BCAS3: variants seen among roughly 807,000 people sequenced by gnomAD.
The protein encoded by BCAS3 is BCAS4/BCAS3 fusion.
Under a neutral mutation model 116.1 loss-of-function variants are expected in BCAS3, and 53 were observed. The ratio of observed to expected loss-of-function variants is 0.46; its 90% CI spans 0.37 to 0.57. The LOEUF (loss-of-function observed/expected upper bound fraction) is 0.57. BCAS3 is among the 20% of genes least tolerant of loss of function. The pLI is 0.00. For synonymous variants in BCAS3, 391 were observed against 408.2 expected, an observed-to-expected ratio of 0.96 and a Z score of 0.51; for missense variants, 917 against 1,165.4, an observed-to-expected ratio of 0.79 and a Z score of 3.10.
At chr17:60,985,866 A>G (rs2063112009) in intron 14 of BCAS3, among the ~76,000 whole-genome samples, 1 of 152,194 alleles carries the variant, frequency 6.6e-6, no homozygotes, top group South Asian at 2.1e-4. Flanking sequence ...TCTCCCAAGT[A>G]GCTGGAATTA....
rs528738732 is a variant in BCAS3, at chr17:61,069,868, A to C, written c.2030-5052A>C. The C allele has an allele frequency of 1.3e-4, 124 of 991,044 alleles. 1 individual carries two copies. In the East Asian group the frequency reaches 2.8e-3, roughly 22 times the overall value. 61.4% of individuals were successfully genotyped at this position (991,044 alleles called of 1,614,324 possible). A position where few individuals can be genotyped will look rare whatever the true frequency, so the allele number is the denominator to read the frequency against. The stretch of plus-strand genomic sequence containing the variant: ...AAAAAAAAAAAAAGACCCTTTTCAC[A>C]AGATGGCGCCGAAAGCGAAGAAGGA... On this transcript the variant is annotated intron_variant, in intron 19 of 23. Transcript: ENST00000407086.
Position 61,176,565 on chromosome 17 carries a change from T to TTATG in BCAS3, c.2425+92005_2425+92008dup, listed in dbSNP as rs1223627912. Among the ~76,000 whole-genome samples the TTATG allele has an allele frequency of 8.5e-3, 1,232 of 145,244 alleles. 20 individuals carry two copies. The highest frequency in any genetic ancestry group is 0.027 in the African/African-American group (1,034 of 38,854). ...TTTATTTATTTATTTATTTATTTAT[T>TTATG]TATGTATTTAGAGAGATGGTCTTGC... On this transcript the variant is annotated intron_variant, in intron 22 of 23. Coordinates refer to ENST00000407086, the MANE Select transcript of BCAS3 (RefSeq NM_017679.5).
chr17:60,944,147 G>A (rs916555871), intron 13 of BCAS3, among the ~76,000 whole-genome samples: 8 of 151,912 alleles, frequency 5.3e-5, no homozygotes, highest in Non-Finnish European at 8.8e-5. Flanking sequence ...ACAGAAATCA[G>A]TGAAATTGAA....
chr17:60,858,376 T>C (rs2144840228), intron 7 of BCAS3, among the ~76,000 whole-genome samples: 1 of 152,200 alleles, frequency 6.6e-6, no homozygotes, highest in South Asian at 2.1e-4. Flanking sequence ...TTATTATAGT[T>C]GTGGCTGTTG....
In BCAS3 at chr17:61,352,310, C is replaced by T. The variant is rs1313367217; in HGVS notation, c.2426-16017C>T. ...TTCTAATCCAGTATGTACCTTAGGC[C>T]CAAAGATAAAAAGATAGGTTTCTTT... On this transcript the variant is annotated intron_variant, in intron 22 of 23. Transcript: ENST00000407086. This position sits in a 1 kb window ranked among gnomAD's most constrained non-coding sequence, Gnocchi z 4.7. Among the ~76,000 whole-genome samples, 8 of 152,072 alleles carry T rather than the reference C, an allele frequency of 5.3e-5. No individual in the cohort carries two copies. The highest frequency in any genetic ancestry group is 5.2e-4 in the Admixed American group (8 of 15,264).
intron 22 of BCAS3, among the ~76,000 whole-genome samples, chr17:61,185,760 T>G (rs557630155): frequency 6.6e-6 from 1 of 152,342 alleles, no homozygotes; most frequent in Admixed American, 6.5e-5. Context: ...ACAACTTTAA[T>G]GCAGAAGTCA....
At chr17:60,794,182 G>GT (rs1365975544) in intron 6 of BCAS3, among the ~76,000 whole-genome samples, 1 of 152,092 alleles carries the variant, frequency 6.6e-6, no homozygotes, top group Non-Finnish European at 1.5e-5. Flanking sequence ...TTTTTCATAT[G>GT]TTTTTTGGTC....
chr17:61,350,881 G>C (rs910696965), intron 22 of BCAS3, among the ~76,000 whole-genome samples: 2 of 152,036 alleles, frequency 1.3e-5, no homozygotes, highest in Non-Finnish European at 2.9e-5. Flanking sequence ...TGCTTCCCCT[G>C]CCTCAGCCTC....
At chr17:61,016,717 T>C (rs1037054837) in intron 16 of BCAS3, among the ~76,000 whole-genome samples, 6 of 152,224 alleles carry the variant, frequency 3.9e-5, no homozygotes, top group African/African-American at 1.4e-4. Flanking sequence ...TACATTTCTG[T>C]ATTAAAGTAG....
rs1394552401 is a variant in BCAS3, at chr17:61,228,248, C to G, written c.2426-140079C>G. 6.6e-6 allele frequency among the ~76,000 whole-genome samples: 1 copy of G among 152,150 alleles called. No individual in the cohort carries two copies. The highest frequency in any genetic ancestry group is 1.5e-5 in the Non-Finnish European group (1 of 68,030). ...TTTATTATTTTGCTTTGAGATTCTC[C>G]TAAGCCCCAGCTGAGAAATTATGAA... On this transcript the variant is annotated intron_variant, in intron 22 of 23. Transcript: ENST00000407086. This position sits in a 1 kb window ranked among gnomAD's most constrained non-coding sequence, Gnocchi z 5.0.
intron 22 of BCAS3, among the ~76,000 whole-genome samples, chr17:61,308,388 C>T (rs1037374788): frequency 1.4e-4 from 21 of 151,024 alleles, no homozygotes; most frequent in Admixed American, 9.9e-4. Context: ...TCCCCCTCAC[C>T]GCCCCCTCTA....
chr17:61,013,317 A>G lies in BCAS3; in HGVS notation c.1487-2434A>G, dbSNP rs2060995229. ...AACAAATATTTGTTTACTAGTTGTG[A>G]AATACATATGATGTACACAATTCTT... On this transcript the variant is annotated intron_variant, in intron 15 of 23. Coordinates refer to ENST00000407086, the MANE Select transcript of BCAS3 (RefSeq NM_017679.5). The surrounding 1 kb of genome is among the most constrained non-coding windows in gnomAD (Gnocchi z 4.4). Among the ~76,000 whole-genome samples, 1 of 152,256 alleles carries G rather than the reference A, an allele frequency of 6.6e-6. No individual in the cohort carries two copies. Among genetic ancestry groups the G allele is most frequent in the Admixed American group, 6.5e-5 (1 of 15,284 alleles).
At chr17:61,350,414 C>CAATG (rs1555844780) in intron 22 of BCAS3, among the ~76,000 whole-genome samples, 1 of 136,722 alleles carries the variant, frequency 7.3e-6, no homozygotes, top group Non-Finnish European at 1.6e-5. Flanking sequence ...GACTCTGTCT[C>CAATG]AATAAATAAA....
At chr17:61,002,490 A>G (rs2064314998) in intron 15 of BCAS3, 1 of 147,680 alleles carries the variant, frequency 6.8e-6, no homozygotes, top group African/African-American at 2.7e-5. Context: ...TAATCAAGGC[A>G]ACCCTGGCAT....
At position 61,089,509 on chromosome 17, in the gene BCAS3, C is replaced by CTTTT. The variant is rs71370187; in HGVS notation, c.2425+4980_2425+4983dup. 1.8e-3 allele frequency among the ~76,000 whole-genome samples: 48 copies of CTTTT among 26,750 alleles called. 22 individuals are homozygous for CTTTT. The highest frequency in any genetic ancestry group is 2.7e-3 in the East Asian group (2 of 740). The allele number at this position is 26,750 out of a possible 152,430, so 17.5% of individuals were successfully genotyped here. A position where few individuals can be genotyped will look rare whatever the true frequency, so the allele number is the denominator to read the frequency against. On this transcript the variant is annotated intron_variant, in intron 22 of 23. Coordinates refer to ENST00000407086, the MANE Select transcript of BCAS3 (RefSeq NM_017679.5). Reference sequence around the variant, plus strand: ...TTTTTCTTCGAGACGGAGTTTCACTCTTTTTTTTTTTTTTTTTTTTTTTTT... The same window carrying CTTTT: ...TTTTTCTTCGAGACGGAGTTTCACTCTTTTTTTTTTTTTTTTTTTTTTTTTTTTT...
Position 61,302,389 on chromosome 17 carries a change from A to G in BCAS3, c.2426-65938A>G, listed in dbSNP as rs761474630. Among the ~76,000 whole-genome samples the G allele has an allele frequency of 2.6e-5, 4 of 152,244 alleles. No homozygotes were observed. The highest frequency in any genetic ancestry group is 5.9e-5 in the Non-Finnish European group (4 of 68,042). ...GGTACCATCTAATAGAATCTTCAAC[A>G]TGCTAACCACACTATTCCAATAATG... On this transcript the variant is annotated intron_variant, in intron 22 of 23. Transcript: ENST00000407086. This position sits in a 1 kb window ranked among gnomAD's most constrained non-coding sequence, Gnocchi z 4.4.
chr17:61,202,674 AAAAGC>A (rs1251640716), intron 22 of BCAS3, among the ~76,000 whole-genome samples: 2 of 152,210 alleles, frequency 1.3e-5, no homozygotes, highest in African/African-American at 4.8e-5. Context: ...TTTTACAAAG[AAAAGC>A]TGAGAATTAA....
intron 22 of BCAS3, among the ~76,000 whole-genome samples, chr17:61,133,836 T>C (rs2076466751): frequency 8.4e-6 from 1 of 119,572 alleles, no homozygotes; most frequent in Admixed American, 1.1e-4. Context: ...TGACTTTCAT[T>C]GGCCTGCAAC....
chr17:61,094,844 TA>T (rs201535415), intron 22 of BCAS3, among the ~76,000 whole-genome samples: 6,450 of 150,716 alleles, frequency 0.043, 464 homozygotes, highest in African/African-American at 0.14. Flanking sequence ...AACTCTGTCT[TA>T]AAAAAAAAAT....
Sources: gnomAD v4.1 joint callset for allele counts (sites outside exome capture counted in the v4.1 genomes callset) on GRCh38, gnomAD v4.1.1 for gene constraint, Gnocchi (gnomAD v3.1) non-coding constraint, MANE v1.5 for transcripts, NCBI Gene and HGNC (gene_info 2026-07-23, HGNC 2026-07-21) for gene names.